The following ATR variants were observed in gnomAD, a reference collection of about 807,000 sequenced individuals.
The protein encoded by ATR is serine/threonine-protein kinase ATR.
ATR carries 142 observed loss-of-function variants against 305.3 expected under a neutral mutation model. The ratio of observed to expected loss-of-function variants is 0.47; its 90% CI spans 0.41 to 0.53. ATR has a LOEUF of 0.53. Among genes scored for constraint, ATR ranks in the 20% least tolerant of loss-of-function variants. The pLI is 0.00. For missense variants in ATR, 2,135 were observed against 3,133.1 expected (o/e 0.68, Z 7.60); for synonymous variants, 1,050 against 1,068.1 (o/e 0.98, Z 0.33).
rs367922185 is a variant in ATR, at chr3:142,483,874, A to T, written c.6221+1266T>A. On this transcript the variant is annotated intron_variant, in intron 36 of 46. Coordinates refer to ENST00000350721, the MANE Select transcript of ATR (RefSeq NM_001184.4). ...AATAAAATGAAATAAAATAAAATAAAATATATATATATATAACCACGAAAT... is the reference window on the plus strand; with the variant it reads ...AATAAAATGAAATAAAATAAAATAATATATATATATATATAACCACGAAAT... 1.6e-4 allele frequency among the ~76,000 whole-genome samples: 24 copies of T among 149,528 alleles called. No individual in the cohort carries two copies. The South Asian group carries it at 3.6e-3, about 22-fold the overall frequency.
intron 8 of ATR, 50 bp from the exon 9 acceptor site, chr3:142,556,625 T>C (rs751368890): frequency 1.3e-6 from 2 of 1,529,460 alleles, no homozygotes; most frequent in South Asian, 1.1e-5. Context: ...GTTAATTTTA[T>C]GTATACACAT....
At chr3:142,575,558 C>T (rs2035410151) in intron 1 of ATR, among the ~76,000 whole-genome samples, 1 of 151,910 alleles carries the variant, frequency 6.6e-6, no homozygotes, top group South Asian at 2.1e-4. Context: ...AGCTTCTTTA[C>T]ACCATCAAAT....
intron 46 of ATR, chr3:142,452,355 T>C (rs751123144): frequency 1.4e-4 from 141 of 986,764 alleles, no homozygotes; most frequent in Non-Finnish European, 1.7e-4. Context: ...AAAAAACGAA[T>C]CCTCAATCTA....
chr3:142,499,440 G>A (rs928264076), intron 31 of ATR, among the ~76,000 whole-genome samples, 187 bp downstream of exon 31: 3 of 151,752 alleles, frequency 2.0e-5, no homozygotes, highest in Admixed American at 6.6e-5. Context: ...GACTACAGGC[G>A]CGTGCCACCA....
At chr3:142,457,150 A>C (rs1211723915) in intron 45 of ATR, among the ~76,000 whole-genome samples, 2 of 152,264 alleles carry the variant, frequency 1.3e-5, no homozygotes, top group African/African-American at 4.8e-5. Flanking sequence ...ATACATGATG[A>C]ACACTGAAAA....
At chr3:142,507,790 C>T in intron 28 of ATR, 141 bp downstream of exon 28, 1 of 784,932 alleles carries the variant, frequency 1.3e-6, no homozygotes, top group Non-Finnish European at 2.0e-6. Flanking sequence ...AAATATTATA[C>T]CAAATTGATG....
At chr3:142,476,911 A>G (rs1402697672) in intron 36 of ATR, among the ~76,000 whole-genome samples, 2 of 152,200 alleles carry the variant, frequency 1.3e-5, no homozygotes, top group East Asian at 1.9e-4. Flanking sequence ...TTATTGGTGT[A>G]TAAGTATGCT....
rs72996187 is a variant in ATR at position 142,530,698 on chromosome 3, G to A, written c.3945+4382C>T. Among the ~76,000 whole-genome samples the A allele has an allele frequency of 3.4e-3, 523 of 152,160 alleles. 2 individuals carry two copies. Among genetic ancestry groups the A allele is most frequent in the African/African-American group, 0.012 (505 of 41,514 alleles). On this transcript the variant is annotated intron_variant, in intron 21 of 46. Coordinates refer to ENST00000350721, the MANE Select transcript of ATR (RefSeq NM_001184.4). The stretch of plus-strand genomic sequence containing the variant: ...TTGTACATTTCTTTTACTTCTGCAG[G>A]ACCCTTAAAATTCTCCCTCTTACTT...
chr3:142,491,021 T>C (rs1169514155), intron 35 of ATR, among the ~76,000 whole-genome samples: 1 of 152,122 alleles, frequency 6.6e-6, no homozygotes, highest in Non-Finnish European at 1.5e-5. Flanking sequence ...TATTATAAAG[T>C]TCACACTTTT....
At chr3:142,479,317 T>C (rs1264044553) in intron 36 of ATR, among the ~76,000 whole-genome samples, 5 of 152,202 alleles carry the variant, frequency 3.3e-5, no homozygotes, top group Admixed American at 6.5e-5. Flanking sequence ...TGCTTGTCTG[T>C]AAAGGATTTT....
intron 21 of ATR, among the ~76,000 whole-genome samples, chr3:142,526,381 T>C (rs2033388755): frequency 6.6e-6 from 1 of 152,130 alleles, no homozygotes; most frequent in Non-Finnish European, 1.5e-5. Flanking sequence ...CCAACTTTTA[T>C]GTCTGATTGC....
chr3:142,554,417 G>T (rs1228429604), intron 10 of ATR, among the ~76,000 whole-genome samples: 1 of 151,978 alleles, frequency 6.6e-6, no homozygotes, highest in African/African-American at 2.4e-5. Context: ...TTGTAGAGAT[G>T]GGGCTTCACC....
At chr3:142,491,189 A>G (rs1462308430) in intron 35 of ATR, among the ~76,000 whole-genome samples, 1 of 152,036 alleles carries the variant, frequency 6.6e-6, no homozygotes, top group Non-Finnish European at 1.5e-5. Context: ...TTCTGTCTCT[A>G]TGGATTTGCT....
At chr3:142,514,744 C>T (rs961411649) in intron 25 of ATR, among the ~76,000 whole-genome samples, 2 of 140,524 alleles carry the variant, frequency 1.4e-5, no homozygotes, top group South Asian at 2.2e-4. Context: ...TAGGCGGAGA[C>T]TTACAGTGAG....
chr3:142,453,868 C>A (rs897781655), intron 45 of ATR, among the ~76,000 whole-genome samples: 4 of 152,188 alleles, frequency 2.6e-5, no homozygotes, highest in Non-Finnish European at 4.4e-5. Context: ...TCCGTCTCTA[C>A]GGCCGTGACA....
chr3:142,538,089 C>T (rs1226112260), intron 19 of ATR, among the ~76,000 whole-genome samples: 1 of 152,126 alleles, frequency 6.6e-6, no homozygotes, highest in African/African-American at 2.4e-5. Context: ...GGAAGAGAGG[C>T]TGGTTCAAAG....
chr3:142,531,343 G>T (rs371338094), intron 21 of ATR, among the ~76,000 whole-genome samples: 4 of 152,094 alleles, frequency 2.6e-5, no homozygotes, highest in South Asian at 4.2e-4. Context: ...CCATGTTGGT[G>T]TGCTGCACCC....
chr3:142,578,451 G>A (rs1189586488), intron 1 of ATR, among the ~76,000 whole-genome samples, 195 bp downstream of exon 1: 1 of 152,228 alleles, frequency 6.6e-6, no homozygotes, highest in Non-Finnish European at 1.5e-5. Context: ...GCAGGTTTGT[G>A]GCGACTGCCC....
intron 12 of ATR, 59 bp from the exon 13 acceptor site, chr3:142,553,457 C>T (rs2108463257): frequency 6.8e-7 from 1 of 1,477,082 alleles, no homozygotes; most frequent in Non-Finnish European, 9.3e-7. Flanking sequence ...CACACACACA[C>T]ATACACACAC....
Sources: allele counts gnomAD v4.1 joint callset (sites outside exome capture counted in the v4.1 genomes callset), GRCh38; gene constraint gnomAD v4.1.1; transcripts MANE v1.5; gene names NCBI Gene and HGNC (gene_info 2026-07-23, HGNC 2026-07-21).